TMEM229B: variants seen among roughly 807,000 people sequenced by gnomAD.
TMEM229B encodes chromosome 14 open reading frame 83.
In TMEM229B, 6 loss-of-function variants were observed where a neutral mutation model predicts 13.7. The observed-to-expected ratio is 0.44, with a 90% CI of 0.24 to 0.86. The LOEUF (loss-of-function observed/expected upper bound fraction) is 0.86, where lower values mean the gene tolerates loss of function less well. Ranked by LOEUF, TMEM229B falls within the 40% of genes least tolerant of loss-of-function variation. The pLI, the probability that TMEM229B is intolerant of heterozygous loss-of-function variation, is 0.23. For missense variants in TMEM229B, 170 were observed against 236.0 expected, an observed-to-expected ratio of 0.72 and a Z score of 1.83; for synonymous variants, 107 against 102.1, an observed-to-expected ratio of 1.05 and a Z score of -0.29.
intron 1 of TMEM229B, among the ~76,000 whole-genome samples, chr14:67,520,684 T>C (rs1429979390): frequency 6.7e-6 from 1 of 149,894 alleles, no homozygotes; most frequent in Non-Finnish European, 1.5e-5. Flanking sequence ...TCCAACTCCT[T>C]TGGGCGTACC....
intron 2 of TMEM229B, among the ~76,000 whole-genome samples, chr14:67,480,274 C>G (rs1015316220): frequency 6.6e-6 from 1 of 152,076 alleles, no homozygotes; most frequent in Non-Finnish European, 1.5e-5. Flanking sequence ...CAGGTTAGGT[C>G]TTCATCACAA....
chr14:67,518,501 C>T (rs181798353), upstream of TMEM229B, among the ~76,000 whole-genome samples: 59 of 152,296 alleles, frequency 3.9e-4, no homozygotes, highest in Admixed American at 3.7e-3. Flanking sequence ...GTAAAGGCCC[C>T]GCCACGGTAG....
chr14:67,508,761 A>AAAAAAAAAAAAAAAAAAAAAAAAAAAAC (rs1566698813), intron 1 of TMEM229B, among the ~76,000 whole-genome samples: 1 of 149,622 alleles, frequency 6.7e-6, no homozygotes, highest in Non-Finnish European at 1.5e-5. Context: ...CTCAAAAAAA[A>AAAAAAAAAAAAAAAAAAAAAAAAAAAAC]AAAAAAAAAA....
intron 1 of TMEM229B, among the ~76,000 whole-genome samples, chr14:67,497,184 T>C (rs1256198055): frequency 6.6e-6 from 1 of 152,076 alleles, no homozygotes; most frequent in Non-Finnish European, 1.5e-5. Flanking sequence ...GTGGTGTATA[T>C]GCTGCGGGCA....
At chr14:67,494,798 C>T (rs2032304098) in intron 1 of TMEM229B, among the ~76,000 whole-genome samples, 1 of 152,146 alleles carries the variant, frequency 6.6e-6, no homozygotes, top group Non-Finnish European at 1.5e-5. Context: ...ACCAAGGCTA[C>T]AGAAGAAGCA....
At chr14:67,517,236 C>T (rs1005763863), upstream of TMEM229B, among the ~76,000 whole-genome samples, 6 of 151,986 alleles carry the variant, frequency 3.9e-5, no homozygotes, top group African/African-American at 2.4e-5. Flanking sequence ...AGGCATAGTA[C>T]GCCTAATCTC....
upstream of TMEM229B, among the ~76,000 whole-genome samples, chr14:67,493,246 A>G (rs73288668): frequency 0.028 from 4,223 of 152,232 alleles, 194 homozygotes; most frequent in African/African-American, 0.096. Flanking sequence ...TTACCCATCC[A>G]TCTATCAGCC....
intron 1 of TMEM229B, among the ~76,000 whole-genome samples, chr14:67,531,745 T>TC (rs1491507877): frequency 9.1e-6 from 1 of 110,116 alleles, no homozygotes; most frequent in Admixed American, 8.6e-5. Context: ...AAAAAAAAAA[T>TC]TTTTTTTTTT....
chr14:67,505,839 A>G (rs1352779736), intron 1 of TMEM229B, among the ~76,000 whole-genome samples: 1 of 151,836 alleles, frequency 6.6e-6, no homozygotes, highest in Non-Finnish European at 1.5e-5. Context: ...CCCTGGGATT[A>G]CAGGCGCCCG....
At chr14:67,484,131 A>T in intron 2 of TMEM229B, among the ~76,000 whole-genome samples, 1 of 152,284 alleles carries the variant, frequency 6.6e-6, no homozygotes, top group Middle Eastern at 3.4e-3. Context: ...ACATCATTCC[A>T]TTTTATTTTC....
chr14:67,474,067 C>T, intron 2 of TMEM229B, 126 bp from the exon 3 acceptor site: 1 of 1,043,708 alleles, frequency 9.6e-7, no homozygotes, highest in Non-Finnish European at 1.3e-6. Flanking sequence ...GCCTGGCCAT[C>T]ATGGTGAAAC....
chr14:67,529,096 T>A (rs1314215260), intron 1 of TMEM229B, among the ~76,000 whole-genome samples: 1 of 152,102 alleles, frequency 6.6e-6, no homozygotes, highest in African/African-American at 2.4e-5. Context: ...TTCATAATAT[T>A]TACTAGATTC....
At chr14:67,496,639 TTTTC>T (rs751896923) in intron 1 of TMEM229B, among the ~76,000 whole-genome samples, 74 of 150,924 alleles carry the variant, frequency 4.9e-4, no homozygotes, top group African/African-American at 1.3e-3. Flanking sequence ...TCCCTTCCCC[TTTTC>T]TTTCTTTCTC....
At chr14:67,488,323 A>G (rs1254704492) in intron 1 of TMEM229B, among the ~76,000 whole-genome samples, 185 bp downstream of exon 1, 1 of 152,240 alleles carries the variant, frequency 6.6e-6, no homozygotes, top group African/African-American at 2.4e-5. Context: ...GAGAAGTGAA[A>G]GGGCAGGAGT....
intron 1 of TMEM229B, among the ~76,000 whole-genome samples, chr14:67,525,245 T>A (rs894982248): frequency 6.6e-6 from 1 of 152,208 alleles, no homozygotes; most frequent in East Asian, 1.9e-4. Context: ...TACATATAGT[T>A]ATATGTATAC....
At chr14:67,484,845 A>G (rs1200992212) in intron 2 of TMEM229B, among the ~76,000 whole-genome samples, 2 of 152,186 alleles carry the variant, frequency 1.3e-5, no homozygotes, top group Non-Finnish European at 2.9e-5. Flanking sequence ...CTATGTGTGT[A>G]TTTTACAAGT....
In TMEM229B at chr14:67,531,744, A is replaced by AT. The variant is rs757022456; in HGVS notation, c.-192+1891dup. ...CCACCTCTACTAAAAAAAAAAAAAA[A>AT]TTTTTTTTTTTTTTTTTGCTGGGTA... On this transcript the variant is annotated intron_variant, in intron 1 of 2. Transcript: ENST00000554278. Among the ~76,000 whole-genome samples, 1,076 of 131,102 alleles carry AT rather than the reference A, an allele frequency of 8.2e-3. 5 individuals are homozygous for AT. Among genetic ancestry groups the AT allele is most frequent in the Non-Finnish European group, 0.012 (703 of 61,124 alleles). 86.0% of individuals were successfully genotyped at this position (131,102 alleles called of 152,430 possible).
chr14:67,532,467 T>A (rs925784971), intron 1 of TMEM229B, among the ~76,000 whole-genome samples: 1 of 152,144 alleles, frequency 6.6e-6, no homozygotes, highest in African/African-American at 2.4e-5. Flanking sequence ...CCCCTCTGGG[T>A]ATGAGATTGC....
intron 2 of TMEM229B, among the ~76,000 whole-genome samples, chr14:67,485,639 C>A (rs1424873001): frequency 1.3e-5 from 2 of 152,204 alleles, no homozygotes; most frequent in Admixed American, 6.5e-5. Context: ...CACCAGGCTA[C>A]GGGCCCTGCA....
Sources: gnomAD v4.1 joint callset for allele counts (sites outside exome capture counted in the v4.1 genomes callset) on GRCh38, gnomAD v4.1.1 for gene constraint, MANE v1.5 for transcripts, NCBI Gene and HGNC (gene_info 2026-07-23, HGNC 2026-07-21) for gene names.